PACRG: variants seen among roughly 807,000 people sequenced by gnomAD.
PACRG encodes the protein parkin coregulated gene protein.
Under a neutral mutation model 29.7 loss-of-function variants are expected in PACRG, and 29 were observed. The ratio of observed to expected loss-of-function variants is 0.98; its 90% CI spans 0.73 to 1.33. The LOEUF (loss-of-function observed/expected upper bound fraction) is 1.33, where lower values mean the gene tolerates loss of function less well. Ranked by LOEUF, PACRG falls within the 40% of genes most tolerant of loss-of-function variation. PACRG has a pLI of 0.00. For missense variants in PACRG, 279 were observed against 316.2 expected (o/e 0.88, Z 0.89); for synonymous variants, 116 against 118.7 (o/e 0.98, Z 0.15).
chr6:162,747,992 T>A (rs66594243), intron 1 of PACRG, among the ~76,000 whole-genome samples: 1 of 152,150 alleles, frequency 6.6e-6, no homozygotes, highest in Non-Finnish European at 1.5e-5. Flanking sequence ...GCTGTGCTGA[T>A]GTTAGCACTT....
intron 2 of PACRG, among the ~76,000 whole-genome samples, chr6:162,829,774 C>A (rs776063123): frequency 1.3e-5 from 2 of 152,206 alleles, no homozygotes; most frequent in East Asian, 3.9e-4. Context: ...GTCTTATGAC[C>A]GGCTTTAGGA....
chr6:162,996,126 A>G (rs894524809), intron 2 of PACRG, among the ~76,000 whole-genome samples: 1 of 151,982 alleles, frequency 6.6e-6, no homozygotes. Context: ...TCTTCTCACC[A>G]CTCGTGTGTG....
At chr6:162,971,280 G>C (rs1801507135) in intron 2 of PACRG, among the ~76,000 whole-genome samples, 1 of 152,138 alleles carries the variant, frequency 6.6e-6, no homozygotes, top group Non-Finnish European at 1.5e-5. Flanking sequence ...TTCTCTATCT[G>C]GGCTCCAGTT....
chr6:162,932,720 G>A (rs1337300296), intron 2 of PACRG, among the ~76,000 whole-genome samples: 1 of 151,660 alleles, frequency 6.6e-6, no homozygotes, highest in Non-Finnish European at 1.5e-5. Context: ...GATCATATTT[G>A]TTAAGTGTCC....
chr6:163,023,620 G>A lies in PACRG; in HGVS notation c.292-38530G>A, dbSNP rs1055856399. ...AATGGGATTGTTGGGTCAAATGATC[G>A]CTCTGCTTTAAGTTCTTTGAGAAAT... On this transcript the variant is annotated intron_variant, in intron 2 of 4. Coordinates refer to ENST00000366888, the MANE Select transcript of PACRG (RefSeq NM_001080379.2). 1.1e-4 allele frequency among the ~76,000 whole-genome samples: 16 copies of A among 152,112 alleles called. 1 individual carries two copies. The highest frequency in any genetic ancestry group is 4.1e-4 in the South Asian group (2 of 4,826).
At chr6:162,921,617 A>G (rs1364785105) in intron 2 of PACRG, among the ~76,000 whole-genome samples, 1 of 152,186 alleles carries the variant, frequency 6.6e-6, no homozygotes, top group Non-Finnish European at 1.5e-5. Context: ...GAAAAGCTCC[A>G]TGTGAAAAGT....
intron 2 of PACRG, among the ~76,000 whole-genome samples, chr6:163,021,656 C>T (rs1322025052): frequency 1.3e-5 from 2 of 152,196 alleles, no homozygotes; most frequent in African/African-American, 4.8e-5. Context: ...CTGACAGCCT[C>T]CCTCCTGACC....
intron 4 of PACRG, among the ~76,000 whole-genome samples, chr6:163,257,831 G>C (rs947287733): frequency 1.2e-4 from 19 of 152,256 alleles, no homozygotes; most frequent in Non-Finnish European, 2.6e-4. Flanking sequence ...TGATATTGTG[G>C]ACAGGATTTA....
chr6:163,252,020 A>G (rs1029987255), intron 4 of PACRG, among the ~76,000 whole-genome samples: 3 of 152,236 alleles, frequency 2.0e-5, no homozygotes, highest in African/African-American at 7.2e-5. Context: ...AGCCACAGCT[A>G]AGCACGGTGT....
Position 163,116,679 on chromosome 6 carries a change from G to A in PACRG, c.613+27271G>A, listed in dbSNP as rs542866380. Among the ~76,000 whole-genome samples the A allele has an allele frequency of 1.7e-3, 259 of 152,276 alleles. 1 individual carries two copies. The highest frequency in any genetic ancestry group is 6.1e-3 in the African/African-American group (253 of 41,562). On this transcript the variant is annotated intron_variant, in intron 4 of 4. Transcript: ENST00000366888. Reference sequence around the variant, plus strand: ...ACTATTTCTAGGGCTTAGGTCAGGGGCTCAAGGGCCATTCTCAAGGGTTTG... The same window carrying A: ...ACTATTTCTAGGGCTTAGGTCAGGGACTCAAGGGCCATTCTCAAGGGTTTG...
intron 4 of PACRG, among the ~76,000 whole-genome samples, chr6:163,245,732 G>A (rs944403259): frequency 6.6e-6 from 1 of 152,036 alleles, no homozygotes; most frequent in Non-Finnish European, 1.5e-5. Flanking sequence ...CTAATCAGCC[G>A]CTGTGCTTGG....
At chr6:162,731,269 C>A (rs6916400) in intron 1 of PACRG, among the ~76,000 whole-genome samples, 5 of 152,152 alleles carry the variant, frequency 3.3e-5, no homozygotes, top group African/African-American at 1.2e-4. Context: ...TCAGAACTGG[C>A]GTGACCATCA....
intron 2 of PACRG, among the ~76,000 whole-genome samples, chr6:162,987,311 A>G (rs1389076832): frequency 6.6e-6 from 1 of 152,062 alleles, no homozygotes; most frequent in Admixed American, 6.5e-5. Flanking sequence ...CACTCTGTGG[A>G]GCTACCAGGC....
At position 162,919,275 on chromosome 6, in the gene PACRG, T is replaced by C. The variant is rs181105652; in HGVS notation, c.291+104994T>C. Among the ~76,000 whole-genome samples, 228 of 152,302 alleles carry C rather than the reference T, an allele frequency of 1.5e-3. 1 individual carries two copies. Among genetic ancestry groups the C allele is most frequent in the African/African-American group, 5.2e-3 (215 of 41,576 alleles). ...AAAATATTTTGTGGGTTTGTAGAGT[T>C]CATGCCTGTGATTTATGGGAAGGAA... is the stretch of plus-strand genomic sequence containing the variant. On this transcript the variant is annotated intron_variant, in intron 2 of 4. Transcript: ENST00000366888.
At chr6:163,029,350 G>A (rs1157178698) in intron 2 of PACRG, among the ~76,000 whole-genome samples, 1 of 152,176 alleles carries the variant, frequency 6.6e-6, no homozygotes. Context: ...GGTGTAAGTT[G>A]TTACAGCAGC....
intron 2 of PACRG, among the ~76,000 whole-genome samples, chr6:162,979,659 T>C (rs1802244079): frequency 6.6e-6 from 1 of 152,178 alleles, no homozygotes; most frequent in Non-Finnish European, 1.5e-5. Flanking sequence ...ATGTTTAAAT[T>C]ATTTGATAAA....
intron 1 of PACRG, among the ~76,000 whole-genome samples, chr6:162,781,583 T>C (rs575594531): frequency 6.6e-6 from 1 of 151,916 alleles, no homozygotes; most frequent in South Asian, 2.1e-4. Flanking sequence ...GTTCATAACA[T>C]ACGTAGGATT....
chr6:162,981,982 G>A (rs772508694), intron 2 of PACRG, among the ~76,000 whole-genome samples: 2 of 150,168 alleles, frequency 1.3e-5, no homozygotes, highest in Non-Finnish European at 3.0e-5. Context: ...CTTGTTATTG[G>A]TCTGTTCACG....
Position 163,291,491 on chromosome 6 carries a change from G to T in PACRG, c.614-23336G>T, listed in dbSNP as rs960587832. Among the ~76,000 whole-genome samples, 27 of 152,356 alleles carry T rather than the reference G, an allele frequency of 1.8e-4. No homozygotes were observed. In the East Asian group the frequency reaches 4.4e-3, roughly 25 times the overall value. ...GGCCTGCGGGGCATCTGCAGCCCAC[G>T]GGGCCAGAGACCCGGATGCAACTAT... On this transcript the variant is annotated intron_variant, in intron 4 of 4. Transcript: ENST00000366888.
Sources: gnomAD v4.1 joint callset for allele counts (sites outside exome capture counted in the v4.1 genomes callset) on GRCh38, gnomAD v4.1.1 for gene constraint, MANE v1.5 for transcripts, NCBI Gene and HGNC (gene_info 2026-07-23, HGNC 2026-07-21) for gene names.